PHF24: variants seen among roughly 807,000 people sequenced by gnomAD.
PHF24 encodes the protein Galpha inhibitory interacting protein.
Under a neutral mutation model 42.6 loss-of-function variants are expected in PHF24, and 25 were observed. That is an observed-to-expected ratio of 0.59 (90% CI 0.43 to 0.82). The LOEUF (loss-of-function observed/expected upper bound fraction) is 0.82, where lower values mean the gene tolerates loss of function less well. Ranked by LOEUF, PHF24 falls within the 40% of genes least tolerant of loss-of-function variation. PHF24 has a pLI of 0.00. For missense variants in PHF24, 470 were observed against 538.1 expected (o/e 0.87, Z 1.25); for synonymous variants, 185 against 204.8 (o/e 0.90, Z 0.83).
the PHF24 span, chr9:34,666,184 GTTGA>G: frequency 6.0e-6 from 1 of 167,640 alleles, no homozygotes; most frequent in Admixed American, 5.5e-5. Context: ...GGCGGGGTCG[GTTGA>G]TTAAGATGCG....
chr9:34,780,423 A>G, the PHF24 span, among the ~76,000 whole-genome samples: 1 of 147,848 alleles, frequency 6.8e-6, no homozygotes, highest in East Asian at 2.0e-4. Context: ...CAGCCTCCCG[A>G]GTACAGGAGC....
the PHF24 span, chr9:34,832,453 T>C: frequency 7.4e-6 from 11 of 1,482,002 alleles, no homozygotes; most frequent in African/African-American, 5.6e-5. Flanking sequence ...GCTGGGCCCA[T>C]CAGCTTCTGA....
chr9:34,725,266 C>G, the PHF24 span: 1 of 1,365,016 alleles, frequency 7.3e-7, no homozygotes, highest in Non-Finnish European at 1.0e-6. Context: ...ACACTGGGGC[C>G]GCAATGGGTG....
At chr9:34,920,908 T>C in the PHF24 span, among the ~76,000 whole-genome samples, 1 of 152,198 alleles carries the variant, frequency 6.6e-6, no homozygotes, top group Non-Finnish European at 1.5e-5. Flanking sequence ...GTGAAATCTT[T>C]AGGTTTTTGC....
At chr9:34,772,828 A>C in the PHF24 span, among the ~76,000 whole-genome samples, 3 of 152,332 alleles carry the variant, frequency 2.0e-5, no homozygotes, top group South Asian at 6.2e-4. Context: ...GTTTAGCTTA[A>C]TATAGATACA....
At chr9:34,958,278 C>T (rs1181410705), upstream of PHF24, 1 of 152,642 alleles carries the variant, frequency 6.6e-6, no homozygotes, top group African/African-American at 2.4e-5. This position sits in a 1 kb window ranked among gnomAD's most constrained non-coding sequence, Gnocchi z 4.5. Flanking sequence ...GCCGCTCCGC[C>T]CGCGCCGCCT....
At chr9:34,714,611 G>A in the PHF24 span, among the ~76,000 whole-genome samples, 1 of 152,188 alleles carries the variant, frequency 6.6e-6, no homozygotes. Flanking sequence ...GGCTGGGAGA[G>A]CCACTTGGGC....
chr9:34,962,267 C>A (rs1031599371), intron 1 of PHF24, among the ~76,000 whole-genome samples: 6 of 152,190 alleles, frequency 3.9e-5, no homozygotes, highest in African/African-American at 1.2e-4. Context: ...TTCTATCTAG[C>A]CCCCAGGCTG....
At chr9:34,731,249 C>T in the PHF24 span, among the ~76,000 whole-genome samples, 1 of 152,184 alleles carries the variant, frequency 6.6e-6, no homozygotes, top group Non-Finnish European at 1.5e-5. Flanking sequence ...GTATCCATCA[C>T]CTCAAGCATT....
At chr9:34,879,473 T>G in the PHF24 span, among the ~76,000 whole-genome samples, 1 of 152,096 alleles carries the variant, frequency 6.6e-6, no homozygotes, top group African/African-American at 2.4e-5. Context: ...TGAAAAAAGA[T>G]TAGACGAATG....
At chr9:34,710,063 C>T in the PHF24 span, 1 of 1,613,402 alleles carries the variant, frequency 6.2e-7, no homozygotes, top group Non-Finnish European at 8.5e-7. Flanking sequence ...AGTGACTGAG[C>T]CATGTCTGTG....
chr9:34,975,291 G>T (rs922978063), intron 3 of PHF24, among the ~76,000 whole-genome samples: 1 of 152,140 alleles, frequency 6.6e-6, no homozygotes, highest in Non-Finnish European at 1.5e-5. Context: ...CCACTGTGGC[G>T]CCCAGTGTTT....
intron 3 of PHF24, among the ~76,000 whole-genome samples, 167 bp downstream of exon 3, chr9:34,972,698 G>A (rs143527734): frequency 1.3e-3 from 204 of 152,220 alleles, no homozygotes; most frequent in Non-Finnish European, 2.4e-3. Flanking sequence ...GGAAGATCAC[G>A]AGGTCAAGAG....
the PHF24 span, among the ~76,000 whole-genome samples, chr9:34,950,129 A>T: frequency 4.6e-5 from 7 of 152,164 alleles, no homozygotes; most frequent in African/African-American, 1.7e-4. Flanking sequence ...CGGGTGGATC[A>T]CTTGAGGTCA....
the PHF24 span, among the ~76,000 whole-genome samples, chr9:34,913,952 ATTC>A: frequency 6.6e-6 from 1 of 152,164 alleles, no homozygotes; most frequent in African/African-American, 2.4e-5. Context: ...TTAGGTGTCT[ATTC>A]TTATACTTTC....
chr9:34,750,738 C>A, the PHF24 span, among the ~76,000 whole-genome samples: 1 of 151,574 alleles, frequency 6.6e-6, no homozygotes, highest in Non-Finnish European at 1.5e-5. Flanking sequence ...TTAAAACATA[C>A]AACCAGAGGA....
chr9:34,936,044 T>C, the PHF24 span, among the ~76,000 whole-genome samples: 3 of 139,022 alleles, frequency 2.2e-5, no homozygotes, highest in African/African-American at 8.5e-5. Flanking sequence ...CCGCTCCCGC[T>C]CCCACCCCCT....
chr9:34,980,359 C>T (rs1463260813), exon 8 of PHF24: 1 of 152,274 alleles, frequency 6.6e-6, no homozygotes. Flanking sequence ...TTGGATCACG[C>T]TTCTCCCTAT....
At chr9:34,710,147 G>A in the PHF24 span, 1 of 1,090,636 alleles carries the variant, frequency 9.2e-7, no homozygotes, top group South Asian at 1.3e-5. Context: ...GCGTGGGCTG[G>A]GATTGGCCTG....
Sources: gnomAD v4.1 joint callset for allele counts (sites outside exome capture counted in the v4.1 genomes callset) on GRCh38, gnomAD v4.1.1 for gene constraint, Gnocchi (gnomAD v3.1) non-coding constraint, MANE v1.5 for transcripts, NCBI Gene and HGNC (gene_info 2026-07-23, HGNC 2026-07-21) for gene names.